The following MTHFD1L variants were observed in gnomAD, a reference collection of about 807,000 sequenced individuals.
The protein encoded by MTHFD1L is methylenetetrahydrofolate dehydrogenase (NADP+ dependent) 1 like.
A neutral mutation model predicts 119.5 loss-of-function variants in MTHFD1L; 81 were observed. That is an observed-to-expected ratio of 0.68 (90% CI 0.57 to 0.82). The LOEUF (loss-of-function observed/expected upper bound fraction) is 0.82. MTHFD1L is among the 40% of genes least tolerant of loss of function. The probability of loss-of-function intolerance (pLI) is 0.00; values close to 1 mark genes in which losing one functional copy is unlikely to be tolerated. For missense variants in MTHFD1L, 1,125 were observed against 1,253.4 expected, an observed-to-expected ratio of 0.90 and a Z score of 1.55; for synonymous variants, 430 against 475.2, an observed-to-expected ratio of 0.90 and a Z score of 1.24.
At chr6:151,101,057 G>A (rs1175035009) in intron 27 of MTHFD1L, among the ~76,000 whole-genome samples, 1 of 152,110 alleles carries the variant, frequency 6.6e-6, no homozygotes, top group Non-Finnish European at 1.5e-5. Context: ...TACTCCGGAG[G>A]CTGTGGCGGG....
chr6:150,971,566 A>G (rs1266614738), intron 19 of MTHFD1L, among the ~76,000 whole-genome samples: 5 of 152,160 alleles, frequency 3.3e-5, no homozygotes, highest in Admixed American at 3.3e-4. Flanking sequence ...AAATAAATAT[A>G]CCTTTTATAC....
At chr6:150,915,522 T>G (rs1331566092) in intron 8 of MTHFD1L, among the ~76,000 whole-genome samples, 3 of 152,208 alleles carry the variant, frequency 2.0e-5, no homozygotes, top group Non-Finnish European at 4.4e-5. Flanking sequence ...CGCAAGGGTA[T>G]TTTGTGATTA....
chr6:150,880,605 T>C (rs1781253860), intron 4 of MTHFD1L, among the ~76,000 whole-genome samples: 1 of 152,246 alleles, frequency 6.6e-6, no homozygotes, highest in Non-Finnish European at 1.5e-5. Context: ...TCAGTTCCCA[T>C]GCGTATATAC....
At chr6:151,063,230 T>C (rs1584371893) in intron 26 of MTHFD1L, among the ~76,000 whole-genome samples, 1 of 152,284 alleles carries the variant, frequency 6.6e-6, no homozygotes, top group East Asian at 1.9e-4. Context: ...ATAATAATAT[T>C]GCAATATTCT....
intron 26 of MTHFD1L, among the ~76,000 whole-genome samples, chr6:151,046,679 A>G (rs527926972): frequency 1.6e-4 from 24 of 151,878 alleles, no homozygotes; most frequent in African/African-American, 5.6e-4. Flanking sequence ...TCTTTCTTCT[A>G]TGTCTCTTAG....
At chr6:150,930,446 A>G (rs1240118676) in intron 11 of MTHFD1L, among the ~76,000 whole-genome samples, 1 of 152,146 alleles carries the variant, frequency 6.6e-6, no homozygotes, top group Non-Finnish European at 1.5e-5. Flanking sequence ...ATGGAGAATT[A>G]TTTCCTTTTT....
At chr6:150,904,855 A>G (rs1785625117) in intron 7 of MTHFD1L, among the ~76,000 whole-genome samples, 1 of 152,052 alleles carries the variant, frequency 6.6e-6, no homozygotes, top group African/African-American at 2.4e-5. Flanking sequence ...CAAAAAAATG[A>G]ATGGTTGGAC....
intron 20 of MTHFD1L, among the ~76,000 whole-genome samples, chr6:150,996,174 G>A (rs1262483918): frequency 6.6e-6 from 1 of 152,144 alleles, no homozygotes; most frequent in East Asian, 1.9e-4. Context: ...GCAGCAGGGT[G>A]CCTTCTTGGG....
chr6:150,881,233 A>G (rs1583347096), intron 4 of MTHFD1L, among the ~76,000 whole-genome samples: 1 of 152,128 alleles, frequency 6.6e-6, no homozygotes, highest in East Asian at 1.9e-4. Context: ...CTTATATTTA[A>G]GTCTTTAATT....
chr6:151,041,504 A>C (rs559337716), intron 26 of MTHFD1L, among the ~76,000 whole-genome samples: 3 of 152,210 alleles, frequency 2.0e-5, no homozygotes, highest in Non-Finnish European at 2.9e-5. Context: ...GGTGCTGCTG[A>C]AATACATATT....
In MTHFD1L at chr6:150,877,660, A is replaced by C; in HGVS notation, c.339A>C (p.Glu113Asp). 2 of 1,614,196 alleles carry C rather than the reference A, an allele frequency of 1.2e-6. No individual in the cohort carries two copies. Among genetic ancestry groups the C allele is most frequent in the Non-Finnish European group, 1.7e-6 (2 of 1,180,042 alleles). The change falls in exon 3 of 28, where the codon GAA becomes GAC. Residue 113 changes from glutamate to aspartate, a missense_variant. By Grantham distance (45) the Glu-to-Asp change is conservative. Around this residue, in one of 3 missense-constraint regions of MTHFD1L, gnomAD observed 1,058 missense variants for 1,151.2 expected, o/e 0.92. Coordinates refer to ENST00000367321, the MANE Select transcript of MTHFD1L (RefSeq NM_015440.5). ...CAGGTGACGACAACTTGATGCAGGAAATCAACCAGAATTTGGCTGAGGAGG... is the reference window on the plus strand; with the variant it reads ...CAGGTGACGACAACTTGATGCAGGACATCAACCAGAATTTGGCTGAGGAGG... ...IQAGDDNLMQ[E>D]INQNLAEEAG...
chr6:150,886,806 T>C lies in MTHFD1L; in HGVS notation c.644-1039T>C, dbSNP rs117891290. Among the ~76,000 whole-genome samples, 304 of 151,790 alleles carry C rather than the reference T, an allele frequency of 2.0e-3. 1 individual carries two copies. Among genetic ancestry groups the C allele is most frequent in the Middle Eastern group, 0.01 (3 of 294 alleles). On this transcript the variant is annotated intron_variant, in intron 6 of 27. Coordinates refer to ENST00000367321, the MANE Select transcript of MTHFD1L (RefSeq NM_015440.5). ...GAGTTTGAGACCAGCTTGGGGAACA[T>C]AGGGAGACTCCATCTCTACCAAAAA... is the stretch of plus-strand genomic sequence containing the variant.
intron 4 of MTHFD1L, 148 bp downstream of exon 4, chr6:150,877,974 G>A (rs946910417): frequency 8.9e-6 from 8 of 897,510 alleles, no homozygotes; most frequent in Non-Finnish European, 1.0e-5. Flanking sequence ...TTTTCTCTAG[G>A]GTAAATGCTT....
chr6:151,020,878 A>G (rs554229086), intron 24 of MTHFD1L, among the ~76,000 whole-genome samples: 3 of 152,346 alleles, frequency 2.0e-5, no homozygotes, highest in South Asian at 4.1e-4. Context: ...ACGCTAATCT[A>G]CATGCGCACT....
At chr6:150,890,426 C>A (rs77488804) in intron 7 of MTHFD1L, among the ~76,000 whole-genome samples, 12,489 of 152,080 alleles carry the variant, frequency 0.082, 827 homozygotes, top group Admixed American at 0.2. Flanking sequence ...GGCAGGATTT[C>A]GCCTTCACTG....
intron 26 of MTHFD1L, among the ~76,000 whole-genome samples, chr6:151,059,584 T>C (rs1359325521): frequency 2.0e-5 from 3 of 152,246 alleles, no homozygotes; most frequent in African/African-American, 7.2e-5. Flanking sequence ...CATCAGGTCC[T>C]TCCCACAGTA....
At chr6:151,084,531 G>A (rs1793535940) in intron 26 of MTHFD1L, among the ~76,000 whole-genome samples, 1 of 152,136 alleles carries the variant, frequency 6.6e-6, no homozygotes, top group South Asian at 2.1e-4. Context: ...CTCCCACCTC[G>A]GCTTCCCAAA....
chr6:150,877,048 TC>T (rs1006228748), intron 2 of MTHFD1L, among the ~76,000 whole-genome samples: 15 of 152,196 alleles, frequency 9.9e-5, no homozygotes, highest in Admixed American at 6.5e-5. Context: ...ACCTTTGGTA[TC>T]CCCATTTTTT....
intron 26 of MTHFD1L, chr6:151,057,320 A>G (rs1462480190): frequency 2.0e-6 from 2 of 985,416 alleles, no homozygotes; most frequent in East Asian, 2.3e-4. Flanking sequence ...AAAATATAAT[A>G]ATGGTGGTGA....
Sources: allele counts gnomAD v4.1 joint callset (sites outside exome capture counted in the v4.1 genomes callset), GRCh38; gene constraint gnomAD v4.1.1; regional missense constraint gnomAD v4.1.1; transcripts MANE v1.5; gene names NCBI Gene and HGNC (gene_info 2026-07-23, HGNC 2026-07-21).